The following NTMT1 variants were observed in gnomAD, a reference collection of about 807,000 sequenced individuals.
NTMT1 encodes N-terminal RCC1 methyltransferase.
NTMT1 carries 8 observed loss-of-function variants against 17.5 expected under a neutral mutation model. The observed-to-expected ratio is 0.46, with a 90% CI of 0.27 to 0.82. The LOEUF is 0.82. Among genes scored for constraint, NTMT1 ranks in the 40% least tolerant of loss-of-function variants. NTMT1 has a pLI of 0.15. For synonymous variants in NTMT1, 128 were observed against 126.8 expected (o/e 1.01, Z -0.06); for missense variants, 221 against 303.5 (o/e 0.73, Z 2.02).
intron 1 of NTMT1, among the ~76,000 whole-genome samples, chr9:129,616,174 T>G (rs1301769215): frequency 6.6e-6 from 1 of 152,196 alleles, no homozygotes; most frequent in African/African-American, 2.4e-5. Context: ...GCCCAGGGTC[T>G]GCAGGACCCA....
chr9:129,634,487 A>G, intron 3 of NTMT1, 181 bp downstream of exon 3: 1 of 555,388 alleles, frequency 1.8e-6, no homozygotes, highest in Non-Finnish European at 2.9e-6. Context: ...CTCGGCCTAA[A>G]AGGTAGATTT....
rs1015945357 is a variant in NTMT1, at chr9:129,635,565, G to C, written c.*101G>C. The C allele has an allele frequency of 2.2e-6, 3 of 1,372,912 alleles. No homozygotes were observed. The African/African-American group carries it at 4.3e-5, about 20-fold the overall frequency. The allele number at this position is 1,372,912 out of a possible 1,614,324, so 85.0% of individuals were successfully genotyped here. A position where few individuals can be genotyped will look rare whatever the true frequency, so the allele number is the denominator to read the frequency against. ...CACGCTGGCGGTTCGTGAGTGTCGAGGCACCACTAAATATAGCTGTCTGCC... is the reference window on the plus strand; with the variant it reads ...CACGCTGGCGGTTCGTGAGTGTCGACGCACCACTAAATATAGCTGTCTGCC... On this transcript the variant is annotated 3_prime_UTR_variant, in exon 4 of 4. Transcript: ENST00000372483.
chr9:129,618,922 T>C (rs1023235724), intron 1 of NTMT1, among the ~76,000 whole-genome samples: 1 of 150,260 alleles, frequency 6.7e-6, no homozygotes, highest in African/African-American at 2.5e-5. Context: ...CACCGTGTTA[T>C]CCAGGGTGGT....
Position 129,613,420 on chromosome 9 carries a change from T to C in NTMT1, c.-55+4242T>C. 1 of 1,611,954 alleles carries C rather than the reference T, an allele frequency of 6.2e-7. No homozygotes were observed. Among genetic ancestry groups the C allele is most frequent in the Non-Finnish European group, 8.5e-7 (1 of 1,178,706 alleles). On this transcript the variant is annotated intron_variant, in intron 1 of 3. Coordinates refer to the NTMT1 transcript ENST00000372486. The surrounding 1 kb of genome is among the most constrained non-coding windows in gnomAD (Gnocchi z 6.2). The stretch of plus-strand genomic sequence containing the variant: ...GCAATGTCCACGAGTCCCATCCGCT[T>C]CCCTGGAGCCTCACAGGCCAGCGCA...
At chr9:129,623,077 T>C (rs112820328), upstream of NTMT1, among the ~76,000 whole-genome samples, 27,475 of 150,578 alleles carry the variant, frequency 0.18, 2,930 homozygotes, top group East Asian at 0.29. Context: ...CTCACGCCTG[T>C]AATCCCAGCA....
upstream of NTMT1, among the ~76,000 whole-genome samples, chr9:129,621,736 CTG>C (rs1468336201): frequency 6.6e-6 from 1 of 152,118 alleles, no homozygotes; most frequent in East Asian, 1.9e-4. Flanking sequence ...AGCTCTGACA[CTG>C]AGGGGTTTCT....
At chr9:129,619,910 A>T in intron 1 of NTMT1, 1 of 1,526,772 alleles carries the variant, frequency 6.5e-7, no homozygotes, top group African/African-American at 1.4e-5. Context: ...GTGATGGCAG[A>T]CCAGCCCTCA....
At chr9:129,630,473 T>C (rs1212043794) in intron 1 of NTMT1, among the ~76,000 whole-genome samples, 3 of 152,158 alleles carry the variant, frequency 2.0e-5, no homozygotes, top group Non-Finnish European at 4.4e-5. Flanking sequence ...TTGTGTTTAG[T>C]TTCCCTTCTC....
intron 1 of NTMT1, among the ~76,000 whole-genome samples, chr9:129,621,036 G>A (rs1830682608): frequency 6.6e-6 from 1 of 150,646 alleles, no homozygotes; most frequent in Non-Finnish European, 1.5e-5. Context: ...CTGCAGAATG[G>A]GGATAATAGC....
At position 129,629,760 on chromosome 9, in the gene NTMT1, G is replaced by A. The variant is rs998165343; in HGVS notation, c.-54-2890G>A. On this transcript the variant is annotated intron_variant, in intron 1 of 3. Transcript: ENST00000372483. Reference sequence around the variant, plus strand: ...TCTTCATTGTGGCTGAAACCCTTGTGCGTGAACAGTAAAGTGAGGGGTCAG... The same window carrying A: ...TCTTCATTGTGGCTGAAACCCTTGTACGTGAACAGTAAAGTGAGGGGTCAG... 3.3e-5 allele frequency among the ~76,000 whole-genome samples: 5 copies of A among 152,332 alleles called. No homozygotes were observed. The East Asian group carries it at 9.6e-4, about 29-fold the overall frequency.
intron 1 of NTMT1, among the ~76,000 whole-genome samples, chr9:129,617,864 T>G (rs1830472511): frequency 6.6e-6 from 1 of 152,028 alleles, no homozygotes; most frequent in Admixed American, 6.6e-5. Context: ...TTGTAATTTT[T>G]GTAGAGACAG....
At chr9:129,633,922 C>A in intron 2 of NTMT1, 132 bp from the exon 3 acceptor site, 1 of 1,031,032 alleles carries the variant, frequency 9.7e-7, no homozygotes, top group African/African-American at 1.6e-5. Context: ...CCAGCACAGA[C>A]CTCCCCACCA....
Position 129,620,382 on chromosome 9 carries a change from C to A in NTMT1, c.-55+11204C>A. On this transcript the variant is annotated intron_variant, in intron 1 of 3. Transcript: ENST00000372486. This position sits in a 1 kb window ranked among gnomAD's most constrained non-coding sequence, Gnocchi z 5.8. ...ACGCCCACCCCGGGCTTGGCGTCCCCTTCCGGCCACCACGCGGCGCCGCCC... is the reference window on the plus strand; with the variant it reads ...ACGCCCACCCCGGGCTTGGCGTCCCATTCCGGCCACCACGCGGCGCCGCCC... 1 of 1,231,536 alleles carries A rather than the reference C, an allele frequency of 8.1e-7. No individual in the cohort carries two copies. Among genetic ancestry groups the A allele is most frequent in the Non-Finnish European group, 1.0e-6 (1 of 987,812 alleles). The allele number at this position is 1,231,536 out of a possible 1,614,324, so 76.3% of individuals were successfully genotyped here. A position where few individuals can be genotyped will look rare whatever the true frequency, so the allele number is the denominator to read the frequency against.
chr9:129,618,310 T>C lies in NTMT1; in HGVS notation c.-55+9132T>C, dbSNP rs113557782. 7.2e-5 allele frequency among the ~76,000 whole-genome samples: 11 copies of C among 152,282 alleles called. 1 individual carries two copies. The highest frequency in any genetic ancestry group is 2.4e-4 in the African/African-American group (10 of 41,548). On this transcript the variant is annotated intron_variant, in intron 1 of 3. Transcript: ENST00000372486. Reference sequence around the variant, plus strand: ...CCAATTCCTAGGCTCTTCTCTTACCTCCATCCCTTAGTTTTCTCCCAATAT... The same window carrying C: ...CCAATTCCTAGGCTCTTCTCTTACCCCCATCCCTTAGTTTTCTCCCAATAT...
intron 1 of NTMT1, chr9:129,619,938 C>G (rs773468442): frequency 2.0e-4 from 304 of 1,494,052 alleles, no homozygotes; most frequent in Non-Finnish European, 2.7e-4. Context: ...GTTGCGAGGG[C>G]TCTGAGATAC....
chr9:129,635,604 G>C lies in NTMT1; in HGVS notation c.*140G>C. 9.2e-7 allele frequency: 1 copy of C among 1,089,472 alleles called. No individual in the cohort carries two copies. The highest frequency in any genetic ancestry group is 1.5e-5 in the South Asian group (1 of 64,812). The allele number at this position is 1,089,472 out of a possible 1,614,324, so 67.5% of individuals were successfully genotyped here. A position where few individuals can be genotyped will look rare whatever the true frequency, so the allele number is the denominator to read the frequency against. ...TAGCTGTCTGCCGTCCACTCATTAT[G>C]CGGGCTCTTCTTCAAAAGGCAAGGT... On this transcript the variant is annotated 3_prime_UTR_variant, in exon 4 of 4. Transcript: ENST00000372483.
intron 3 of NTMT1, chr9:129,634,606 AGTTTTATAAGG>A (rs1210035585): frequency 2.9e-6 from 1 of 341,758 alleles, no homozygotes; most frequent in Non-Finnish European, 5.3e-6. Context: ...CAAAGTGAGG[AGTTTTATAAGG>A]GTTTTATTTT....
intron 1 of NTMT1, chr9:129,619,666 G>T (rs755530091): frequency 1.2e-6 from 2 of 1,609,890 alleles, no homozygotes; most frequent in East Asian, 2.2e-5. Context: ...CATCTGGCAT[G>T]AGTGGCCAGG....
chr9:129,610,488 CG>C (rs1294505601), intron 1 of NTMT1, among the ~76,000 whole-genome samples: 1 of 151,762 alleles, frequency 6.6e-6, no homozygotes, highest in Non-Finnish European at 1.5e-5. Flanking sequence ...AGTTGGGGGG[CG>C]GGGGCGGCGC....
Sources: allele counts gnomAD v4.1 joint callset (sites outside exome capture counted in the v4.1 genomes callset), GRCh38; gene constraint gnomAD v4.1.1; non-coding constraint Gnocchi (gnomAD v3.1); transcripts MANE v1.5; gene names NCBI Gene and HGNC (gene_info 2026-07-23, HGNC 2026-07-21).